The following HAGHL variants were observed in gnomAD, a reference collection of about 807,000 sequenced individuals.
The protein encoded by HAGHL is hydroxyacylglutathione hydrolase-like protein.
Under a neutral mutation model 29.2 loss-of-function variants are expected in HAGHL, and 27 were observed. The ratio of observed to expected loss-of-function variants is 0.92; its 90% CI spans 0.68 to 1.27. The LOEUF (loss-of-function observed/expected upper bound fraction) is 1.27, where lower values mean the gene tolerates loss of function less well. Ranked by LOEUF, HAGHL falls within the 50% of genes most tolerant of loss-of-function variation. The pLI is 0.00. For synonymous variants in HAGHL, 223 were observed against 185.7 expected, an observed-to-expected ratio of 1.20 and a Z score of -1.63; for missense variants, 529 against 405.5, an observed-to-expected ratio of 1.30 and a Z score of -2.62.
rs756182833 is a variant in HAGHL at position 729,272 on chromosome 16, G to C, written c.681-16G>C. 32 of 1,517,940 alleles carry C rather than the reference G, an allele frequency of 2.1e-5. 1 individual carries two copies. The South Asian group carries it at 4.0e-4, about 19-fold the overall frequency. 94.0% of individuals were successfully genotyped at this position (1,517,940 alleles called of 1,614,324 possible). A position where few individuals can be genotyped will look rare whatever the true frequency, so the allele number is the denominator to read the frequency against. On this transcript the variant is annotated splice_polypyrimidine_tract_variant and intron_variant, in intron 7 of 7. Coordinates refer to ENST00000389703, the MANE Select transcript of HAGHL (RefSeq NM_032304.4). ...TGGGCAGCGGGCCCTGCGCCTCACT[G>C]CACCCCTCCCTGCAGAGAGGAGCCG...
chr16:729,620 G>A lies in HAGHL; in HGVS notation c.*164G>A, dbSNP rs1182543471. On this transcript the variant is annotated 3_prime_UTR_variant, in exon 8 of 8. Coordinates refer to ENST00000389703, the MANE Select transcript of HAGHL (RefSeq NM_032304.4). ...TGGTGCTTCCCGGGTGGACACACAG[G>A]ACCACTCAGTGGGGCCTGTGTGGGC... The A allele has an allele frequency of 3.9e-6, 6 of 1,528,440 alleles. No homozygotes were observed. Among genetic ancestry groups the A allele is most frequent in the South Asian group, 2.4e-5 (2 of 82,934 alleles). 94.7% of individuals were successfully genotyped at this position (1,528,440 alleles called of 1,614,324 possible). A position where few individuals can be genotyped will look rare whatever the true frequency, so the allele number is the denominator to read the frequency against.
chr16:727,280 G>T lies in HAGHL; in HGVS notation c.-230G>T. 3 of 469,010 alleles carry T rather than the reference G, an allele frequency of 6.4e-6. No homozygotes were observed. In the South Asian group the frequency reaches 8.5e-5, roughly 13 times the overall value. The allele number at this position is 469,010 out of a possible 1,614,324, so 29.1% of individuals were successfully genotyped here. On this transcript the variant is annotated 5_prime_UTR_variant, in exon 1 of 8. Coordinates refer to ENST00000389703, the MANE Select transcript of HAGHL (RefSeq NM_032304.4). ...TCGGACTGGGGGCGGAGCCGGGGCTGGTTGGGGACCGGCCGGGTTCCGCTC... is the reference window on the plus strand; with the variant it reads ...TCGGACTGGGGGCGGAGCCGGGGCTTGTTGGGGACCGGCCGGGTTCCGCTC...
In HAGHL at chr16:728,622, C is replaced by T; in HGVS notation, c.498+18C>T. The stretch of plus-strand genomic sequence containing the variant: ...CCGAGACGGTGAGCGGGCCTGGGCC[C>T]TCCCCTCTTCTCCCGTGGGCACAGC... On this transcript the variant is annotated intron_variant, in intron 5 of 7. Coordinates refer to ENST00000389703, the MANE Select transcript of HAGHL (RefSeq NM_032304.4). 1 of 1,393,644 alleles carries T rather than the reference C, an allele frequency of 7.2e-7. No homozygotes were observed. Among genetic ancestry groups the T allele is most frequent in the Non-Finnish European group, 9.7e-7 (1 of 1,036,242 alleles). 86.3% of individuals were successfully genotyped at this position (1,393,644 alleles called of 1,614,324 possible).
In HAGHL at chr16:729,429, G is replaced by A. The variant is rs2041237918; in HGVS notation, c.822G>A (p.Gly274=). The part of the protein sequence containing the change: ...QARALLALQW[G]LLSAAPHD ...GGGCCCTCCTTGCGCTGCAGTGGGG[G>A]CTCCTGAGTGCAGCCCCACACGACT... The change falls in exon 8 of 8, where the codon GGG becomes GGA. Residue 274 remains glycine, a synonymous_variant. Coordinates refer to ENST00000389703, the MANE Select transcript of HAGHL (RefSeq NM_032304.4). 2 of 1,532,590 alleles carry A rather than the reference G, an allele frequency of 1.3e-6. No individual in the cohort carries two copies. Among genetic ancestry groups the A allele is most frequent in the Non-Finnish European group, 8.7e-7 (1 of 1,143,572 alleles). The allele number at this position is 1,532,590 out of a possible 1,614,324, so 94.9% of individuals were successfully genotyped here.
chr16:728,683 A>G, intron 5 of HAGHL, 79 bp downstream of exon 5: 9 of 1,266,222 alleles, frequency 7.1e-6, no homozygotes, highest in Admixed American at 2.0e-5. Flanking sequence ...CTAGGGGTGC[A>G]GAGTGAATGC....
chr16:729,399 G>C lies in HAGHL; in HGVS notation c.792G>C (p.Gln264His), dbSNP rs757565272. ...AGGCGGGCGAGCCGCGGCAGCCACA[G>C]GCGCGGGCCCTCCTTGCGCTGCAGT... ...FEQAGEPRQPQARALLALQWG... is the reference protein window; with the variant it reads ...FEQAGEPRQPHARALLALQWG... Residue 264 changes from glutamine to histidine, a missense_variant, in exon 8 of 8, where the codon CAG becomes CAC. Gln to His is a conservative substitution (Grantham distance 24). Coordinates refer to ENST00000389703, the MANE Select transcript of HAGHL (RefSeq NM_032304.4). 41 of 1,529,380 alleles carry C rather than the reference G, an allele frequency of 2.7e-5. No homozygotes were observed. The highest frequency in any genetic ancestry group is 1.1e-4 in the Admixed American group (5 of 45,692). The allele number at this position is 1,529,380 out of a possible 1,614,324, so 94.7% of individuals were successfully genotyped here.
Position 728,440 on chromosome 16 carries a change from A to G in HAGHL, c.397+16A>G, listed in dbSNP as rs1450055310. The stretch of plus-strand genomic sequence containing the variant: ...CTGTTCTCGGGTACCCGCAGCGCGG[A>G]GCGCGCCCACCCCGCCTCCCGCCGG... On this transcript the variant is annotated intron_variant, in intron 4 of 7. Transcript: ENST00000389703. The G allele has an allele frequency of 2.6e-6, 3 of 1,153,356 alleles. No individual in the cohort carries two copies. The South Asian group carries it at 3.9e-5, about 15-fold the overall frequency. 71.4% of individuals were successfully genotyped at this position (1,153,356 alleles called of 1,614,324 possible).
In HAGHL at chr16:727,657, C is replaced by T. The variant is rs746307329; in HGVS notation, c.105+43C>T. ...GCCGCAGGGACCCGGCCGTGTCCCC[C>T]GAGAGCCTCCCCGACCCCCCTGGTA... On this transcript the variant is annotated intron_variant, in intron 1 of 7. Coordinates refer to ENST00000389703, the MANE Select transcript of HAGHL (RefSeq NM_032304.4). 2.2e-6 allele frequency: 3 copies of T among 1,339,626 alleles called. No individual in the cohort carries two copies. The South Asian group carries it at 3.7e-5, about 16-fold the overall frequency. The allele number at this position is 1,339,626 out of a possible 1,614,324, so 83.0% of individuals were successfully genotyped here.
intron 4 of HAGHL, 34 bp from the exon 5 acceptor site, chr16:728,470 G>A: frequency 2.6e-6 from 3 of 1,172,676 alleles, no homozygotes; most frequent in African/African-American, 1.9e-5. Flanking sequence ...CGCCGGCCCC[G>A]CCCCATCTGC....
Position 728,324 on chromosome 16 carries a change from C to T in HAGHL, c.297C>T (p.Ala99=). 6.4e-7 allele frequency: 1 copy of T among 1,556,238 alleles called. No individual in the cohort carries two copies. The highest frequency in any genetic ancestry group is 8.7e-7 in the Non-Finnish European group (1 of 1,155,448). Residue 99 remains alanine, a synonymous_variant, in exon 4 of 8, where the codon GCC becomes GCT. Coordinates refer to ENST00000389703, the MANE Select transcript of HAGHL (RefSeq NM_032304.4). ...CTGCTCCTCCGCCGCAGTTCGGGGC[C>T]ATCCACGTGCGTTGCCTCCTGACGC... is the stretch of plus-strand genomic sequence containing the variant. The part of the protein sequence containing the change: ...LAHGEELRFG[A]IHVRCLLTPG...
intron 1 of HAGHL, 38 bp downstream of exon 1, chr16:727,652 TC>T: frequency 3.6e-6 from 5 of 1,400,830 alleles, no homozygotes; most frequent in Non-Finnish European, 5.0e-6. Context: ...CCCGGCCGTG[TC>T]CCCCGAGAGC....
At position 727,271 on chromosome 16, in the gene HAGHL, G is replaced by A. The variant is rs867265543; in HGVS notation, c.-239G>A. The A allele has an allele frequency of 4.2e-5, 19 of 450,910 alleles. No individual in the cohort carries two copies. Among genetic ancestry groups the A allele is most frequent in the African/African-American group, 3.7e-4 (18 of 48,068 alleles). The allele number at this position is 450,910 out of a possible 1,614,324, so 27.9% of individuals were successfully genotyped here. On this transcript the variant is annotated 5_prime_UTR_variant, in exon 1 of 8. Coordinates refer to ENST00000389703, the MANE Select transcript of HAGHL (RefSeq NM_032304.4). ...GACTGGGGCTCGGACTGGGGGCGGA[G>A]CCGGGGCTGGTTGGGGACCGGCCGG...
chr16:727,708 C>T, intron 1 of HAGHL, 94 bp downstream of exon 1: 1 of 838,276 alleles, frequency 1.2e-6, no homozygotes, highest in East Asian at 2.7e-5. Flanking sequence ...GTGCTCTGCT[C>T]TCCGGAAGTC....
Position 727,234 on chromosome 16 carries a change from G to T in HAGHL, c.-276G>T, listed in dbSNP as rs2041027072. Reference sequence around the variant, plus strand: ...GAGGGGCGGGGCCTGGGAGGAAGGCGTGGCCTTTGGGGACTGGGGCTCGGA... The same window carrying T: ...GAGGGGCGGGGCCTGGGAGGAAGGCTTGGCCTTTGGGGACTGGGGCTCGGA... On this transcript the variant is annotated 5_prime_UTR_variant, in exon 1 of 8. Transcript: ENST00000389703. 4 of 354,784 alleles carry T rather than the reference G, an allele frequency of 1.1e-5. No individual in the cohort carries two copies. The highest frequency in any genetic ancestry group is 2.0e-5 in the Non-Finnish European group (4 of 195,158). The allele number at this position is 354,784 out of a possible 1,614,324, so 22.0% of individuals were successfully genotyped here.
chr16:728,713 G>T, intron 5 of HAGHL, 81 bp from the exon 6 acceptor site: 1 of 1,398,994 alleles, frequency 7.1e-7, no homozygotes, highest in Non-Finnish European at 1.0e-6. Flanking sequence ...GGCAGACCGG[G>T]CAGGGGAGGC....
chr16:728,042 G>T lies in HAGHL; in HGVS notation c.170+13G>T, dbSNP rs747786170. 1 of 1,579,850 alleles carries T rather than the reference G, an allele frequency of 6.3e-7. No individual in the cohort carries two copies. Among genetic ancestry groups the T allele is most frequent in the South Asian group, 1.1e-5 (1 of 86,986 alleles). On this transcript the variant is annotated intron_variant, in intron 2 of 7. Transcript: ENST00000389703. Reference sequence around the variant, plus strand: ...CCCACCATCACTGGTGAGCGCCGGCGGGGCGCGGGGAGGCACGAGGACGCC... The same window carrying T: ...CCCACCATCACTGGTGAGCGCCGGCTGGGCGCGGGGAGGCACGAGGACGCC...
chr16:729,184 T>G, intron 7 of HAGHL, 96 bp downstream of exon 7: 1 of 1,571,020 alleles, frequency 6.4e-7, no homozygotes, highest in Non-Finnish European at 8.6e-7. Flanking sequence ...CATCTCTGGC[T>G]TGGGGGAGGC....
Sources: gnomAD v4.1 joint callset for allele counts on GRCh38, gnomAD v4.1.1 for gene constraint, MANE v1.5 for transcripts, NCBI Gene and HGNC (gene_info 2026-07-23, HGNC 2026-07-21) for gene names.